The following PDE3A variants were observed in gnomAD, a reference collection of about 807,000 sequenced individuals.
The protein encoded by PDE3A is cGMP-inhibited 3',5'-cyclic phosphodiesterase 3A.
Under a neutral mutation model 98.3 loss-of-function variants are expected in PDE3A, and 43 were observed. The ratio of observed to expected loss-of-function variants is 0.44; its 90% confidence interval spans 0.34 to 0.56. The LOEUF is 0.56. PDE3A is among the 20% of genes least tolerant of loss of function. PDE3A has a pLI of 0.01. For synonymous variants in PDE3A, 663 were observed against 567.9 expected, an observed-to-expected ratio of 1.17 and a Z score of -2.38; for missense variants, 1,427 against 1,440.7, an observed-to-expected ratio of 0.99 and a Z score of 0.15.
At chr12:20,522,826 C>T (rs907615943) in intron 1 of PDE3A, among the ~76,000 whole-genome samples, 4 of 151,878 alleles carry the variant, frequency 2.6e-5, no homozygotes, top group Non-Finnish European at 5.9e-5. Context: ...GAAAAGCAGA[C>T]TTTGGGGGAA....
At chr12:20,602,421 G>GTT (rs1943613814) in intron 2 of PDE3A, among the ~76,000 whole-genome samples, 1 of 152,174 alleles carries the variant, frequency 6.6e-6, no homozygotes, top group African/African-American at 2.4e-5. Context: ...TGTCTGGAAA[G>GTT]TAGTTAGAAA....
intron 1 of PDE3A, among the ~76,000 whole-genome samples, chr12:20,416,725 T>C (rs533823371): frequency 6.6e-6 from 1 of 152,316 alleles, no homozygotes; most frequent in Non-Finnish European, 1.5e-5. Flanking sequence ...GCAACCTATC[T>C]GATTTCTTAA....
At chr12:20,638,392 A>G (rs1432882050) in intron 9 of PDE3A, among the ~76,000 whole-genome samples, 1 of 152,162 alleles carries the variant, frequency 6.6e-6, no homozygotes, top group Non-Finnish European at 1.5e-5. Context: ...ATATTCAATT[A>G]TTGCCTCTGC....
chr12:20,542,427 G>GT (rs750017427), intron 1 of PDE3A, among the ~76,000 whole-genome samples: 5 of 133,302 alleles, frequency 3.8e-5, no homozygotes, highest in Non-Finnish European at 7.8e-5. Flanking sequence ...TTTGGTATAC[G>GT]TAACAGCATA....
intron 1 of PDE3A, among the ~76,000 whole-genome samples, chr12:20,417,338 T>C (rs1944437483): frequency 6.6e-6 from 1 of 152,232 alleles, no homozygotes; most frequent in South Asian, 2.1e-4. Context: ...CTTTGAGTTT[T>C]AAAAATTGAT....
chr12:20,550,563 T>C lies in PDE3A; in HGVS notation c.961-6097T>C, dbSNP rs561012178. Among the ~76,000 whole-genome samples the C allele has an allele frequency of 3.9e-5, 6 of 152,158 alleles. No homozygotes were observed. In the East Asian group the frequency reaches 1.2e-3, roughly 29 times the overall value. On this transcript the variant is annotated intron_variant, in intron 1 of 15. Transcript: ENST00000359062. ...TTTGAGATGATATAATGCCAGTAAATCCATAAATTAAAAAATTAAAGCATT... is the reference window on the plus strand; with the variant it reads ...TTTGAGATGATATAATGCCAGTAAACCCATAAATTAAAAAATTAAAGCATT...
chr12:20,594,827 A>G (rs1943425344), intron 2 of PDE3A, among the ~76,000 whole-genome samples: 1 of 152,092 alleles, frequency 6.6e-6, no homozygotes, highest in Non-Finnish European at 1.5e-5. Flanking sequence ...TAAGGTAATC[A>G]TATTTTTTTA....
At chr12:20,436,160 G>A (rs921792565) in intron 1 of PDE3A, among the ~76,000 whole-genome samples, 2 of 152,032 alleles carry the variant, frequency 1.3e-5, no homozygotes, top group South Asian at 2.1e-4. Context: ...AAATCCCCAC[G>A]TTTATTGTAT....
chr12:20,657,698 A>G (rs1383442592), intron 15 of PDE3A, among the ~76,000 whole-genome samples: 1 of 152,190 alleles, frequency 6.6e-6, no homozygotes, highest in Non-Finnish European at 1.5e-5. Context: ...GACCACCTGC[A>G]GGCTCTAATC....
chr12:20,385,564 A>T (rs1408988596), intron 1 of PDE3A, among the ~76,000 whole-genome samples: 1 of 151,956 alleles, frequency 6.6e-6, no homozygotes, highest in Non-Finnish European at 1.5e-5. Flanking sequence ...GATAGACTGG[A>T]TTAAGAAAAT....
intron 1 of PDE3A, among the ~76,000 whole-genome samples, chr12:20,411,469 G>A (rs1307963031): frequency 6.6e-6 from 1 of 152,058 alleles, no homozygotes; most frequent in African/African-American, 2.4e-5. Context: ...ATTGTAGCAT[G>A]TGTCAGAGTT....
chr12:20,369,427 G>A lies in PDE3A; in HGVS notation c.143G>A (p.Gly48Glu), dbSNP rs1033312015. The A allele has an allele frequency of 3.2e-6, 5 of 1,555,470 alleles. No homozygotes were observed. The Admixed American group carries it at 7.6e-5, about 24-fold the overall frequency. ...GACTCGGGCTGCCGTGGCTGCTGGG[G>A]AGACCTGGTGCTGCAGCCGCTCCGG... ...PRDSGCRGCW[G>E]DLVLQPLRSS... is the part of the protein sequence containing the mutation. Residue 48 changes from glycine (G) to glutamate (E), a missense_variant, in exon 1 of 16, where the codon GGA (glycine) becomes GAA (glutamate). Around this residue, in one of 3 missense-constraint regions of PDE3A, gnomAD observed 1,012 missense variants for 886.5 expected, o/e 1.14. Transcript: ENST00000359062.
intron 8 of PDE3A, among the ~76,000 whole-genome samples, chr12:20,635,710 G>A (rs1380509982): frequency 2.8e-5 from 4 of 145,166 alleles, no homozygotes; most frequent in Non-Finnish European, 6.0e-5. Context: ...CTGAGATCAT[G>A]CCACTGCACA....
intron 6 of PDE3A, among the ~76,000 whole-genome samples, chr12:20,631,865 C>A (rs559576741): frequency 6.6e-6 from 1 of 152,176 alleles, no homozygotes; most frequent in East Asian, 1.9e-4. Flanking sequence ...GTAATTCAAA[C>A]CAGGTTTTAT....
chr12:20,430,561 G>A (rs1051907681), intron 1 of PDE3A, among the ~76,000 whole-genome samples: 6 of 152,086 alleles, frequency 3.9e-5, no homozygotes, highest in African/African-American at 1.4e-4. Context: ...GGGGCAGGGT[G>A]CATTATTTTC....
intron 1 of PDE3A, among the ~76,000 whole-genome samples, chr12:20,539,748 A>G (rs1941847146): frequency 6.6e-6 from 1 of 152,118 alleles, no homozygotes; most frequent in Admixed American, 6.6e-5. Flanking sequence ...GAAAATGGGA[A>G]AATGTATTCT....
intron 10 of PDE3A, among the ~76,000 whole-genome samples, chr12:20,645,641 T>G (rs1944759695): frequency 2.0e-5 from 3 of 152,016 alleles, no homozygotes; most frequent in African/African-American, 7.2e-5. Flanking sequence ...CTTGGAAGAA[T>G]TGCACAGAAA....
At chr12:20,413,530 T>A (rs1944369789) in intron 1 of PDE3A, among the ~76,000 whole-genome samples, 1 of 152,064 alleles carries the variant, frequency 6.6e-6, no homozygotes, top group Non-Finnish European at 1.5e-5. Flanking sequence ...AAGAGAGAGC[T>A]GTGCTGTAGA....
At chr12:20,433,478 G>T (rs1944730712) in intron 1 of PDE3A, among the ~76,000 whole-genome samples, 1 of 152,078 alleles carries the variant, frequency 6.6e-6, no homozygotes, top group Non-Finnish European at 1.5e-5. Context: ...ACTGCTTGGG[G>T]TCTCTATATG....
Sources: allele counts gnomAD v4.1 joint callset (sites outside exome capture counted in the v4.1 genomes callset), GRCh38; gene constraint gnomAD v4.1.1; regional missense constraint gnomAD v4.1.1; transcripts MANE v1.5; gene names NCBI Gene and HGNC (gene_info 2026-07-23, HGNC 2026-07-21).